SHQ1: variants seen among roughly 807,000 people sequenced by gnomAD.
SHQ1 encodes protein SHQ1 homolog.
Under a neutral mutation model 53.8 loss-of-function variants are expected in SHQ1, and 49 were observed. The observed-to-expected ratio is 0.91, with a 90% confidence interval of 0.72 to 1.16. The LOEUF is 1.16. SHQ1 is among the 50% of genes most tolerant of loss of function. The pLI is 0.00. For missense variants in SHQ1, 738 were observed against 683.1 expected, an observed-to-expected ratio of 1.08 and a Z score of -0.90; for synonymous variants, 243 against 251.0, an observed-to-expected ratio of 0.97 and a Z score of 0.30.
intron 4 of SHQ1, among the ~76,000 whole-genome samples, chr3:72,834,647 C>G (rs1011348384): frequency 3.3e-5 from 5 of 152,236 alleles, no homozygotes; most frequent in African/African-American, 1.2e-4. Flanking sequence ...AATTTACATT[C>G]CAAAAGTTCC....
the SHQ1 span, among the ~76,000 whole-genome samples, chr3:72,742,703 G>A: frequency 3.5e-5 from 5 of 141,818 alleles, no homozygotes; most frequent in South Asian, 2.2e-4. Context: ...TGCAACCTCT[G>A]CCTCCCAACT....
chr3:72,777,541 T>C (rs1559666950), intron 10 of SHQ1, among the ~76,000 whole-genome samples: 1 of 152,228 alleles, frequency 6.6e-6, no homozygotes, highest in Non-Finnish European at 1.5e-5. Context: ...ATCTGAACCA[T>C]GTAAGTGTTG....
At chr3:72,727,145 G>C in the SHQ1 span, among the ~76,000 whole-genome samples, 1 of 152,306 alleles carries the variant, frequency 6.6e-6, no homozygotes, top group Non-Finnish European at 1.5e-5. Flanking sequence ...AAGGGCCATG[G>C]AGGCGGGGCT....
At chr3:72,789,597 AT>A (rs1224533222) in intron 10 of SHQ1, among the ~76,000 whole-genome samples, 8 of 152,326 alleles carry the variant, frequency 5.3e-5, no homozygotes, top group African/African-American at 1.9e-4. Context: ...AAAGTGCTAC[AT>A]TTAAAACAAA....
At chr3:72,745,614 G>A (rs1053407554), downstream of SHQ1, among the ~76,000 whole-genome samples, 2 of 152,140 alleles carry the variant, frequency 1.3e-5, no homozygotes, top group African/African-American at 4.8e-5. Context: ...TTTTCACAGT[G>A]CCGGCTCCCC....
chr3:72,830,393 A>G (rs1360315654), intron 5 of SHQ1, among the ~76,000 whole-genome samples: 1 of 152,092 alleles, frequency 6.6e-6, no homozygotes, highest in Non-Finnish European at 1.5e-5. Context: ...TTATGCTAAT[A>G]TTATATACAT....
At position 72,750,149 on chromosome 3, in the gene SHQ1, C is replaced by A. The variant is rs1252803084; in HGVS notation, c.*135G>T. The A allele has an allele frequency of 2.6e-6, 2 of 765,460 alleles. No individual in the cohort carries two copies. Among genetic ancestry groups the A allele is most frequent in the Non-Finnish European group, 4.2e-6 (2 of 478,694 alleles). The allele number at this position is 765,460 out of a possible 1,614,324, so 47.4% of individuals were successfully genotyped here. ...TTTGATCTGCAGTTGGTTGAATCCA[C>A]AGATGTGGAACACACAAATACAGTG... On this transcript the variant is annotated 3_prime_UTR_variant, in exon 11 of 11. Transcript: ENST00000325599.
At chr3:72,742,315 T>C in the SHQ1 span, among the ~76,000 whole-genome samples, 4 of 152,106 alleles carry the variant, frequency 2.6e-5, no homozygotes, top group Non-Finnish European at 5.9e-5. Flanking sequence ...CATCCATGCT[T>C]AGCAAATTTA....
At chr3:72,814,379 T>C (rs540654915) in intron 8 of SHQ1, 1 of 152,348 alleles carries the variant, frequency 6.6e-6, no homozygotes, top group African/African-American at 2.4e-5. Flanking sequence ...ACAAACTCCG[T>C]AGAGATCTTG....
chr3:72,735,899 C>T, the SHQ1 span, among the ~76,000 whole-genome samples: 1 of 151,622 alleles, frequency 6.6e-6, no homozygotes, highest in Non-Finnish European at 1.5e-5. Flanking sequence ...ATCTCTCTCT[C>T]TCTCTCTCTT....
chr3:72,783,245 C>A (rs768182484), intron 10 of SHQ1, among the ~76,000 whole-genome samples: 15 of 152,150 alleles, frequency 9.9e-5, no homozygotes, highest in Non-Finnish European at 1.9e-4. Flanking sequence ...GTATTTTCCA[C>A]GCTTATTCAC....
In SHQ1 at chr3:72,751,539, T is replaced by TATATATATATAC. The variant is rs1456991894; in HGVS notation, c.1182-704_1182-703insGTATATATATAT. On this transcript the variant is annotated intron_variant, in intron 10 of 10. Coordinates refer to ENST00000325599, the MANE Select transcript of SHQ1 (RefSeq NM_018130.3). ...ATATATATATATATATACATATACA[T>TATATATATATAC]ACACTAATAAAGCCTAACTCTCCTA... 2.3e-3 allele frequency among the ~76,000 whole-genome samples: 275 copies of TATATATATATAC among 120,136 alleles called. 11 individuals are homozygous for TATATATATATAC. Among genetic ancestry groups the TATATATATATAC allele is most frequent in the African/African-American group, 9.5e-3 (258 of 27,240 alleles). 78.8% of individuals were successfully genotyped at this position (120,136 alleles called of 152,430 possible).
At chr3:72,847,453 C>T (rs2055483) in intron 1 of SHQ1, among the ~76,000 whole-genome samples, 73,965 of 151,536 alleles carry the variant, frequency 0.49, 19,767 homozygotes, top group African/African-American at 0.69. Context: ...TAAGGATCAC[C>T]GTCAAAGTTA....
chr3:72,825,498 C>A (rs919867461), intron 5 of SHQ1, among the ~76,000 whole-genome samples: 2 of 151,826 alleles, frequency 1.3e-5, no homozygotes, highest in Admixed American at 6.6e-5. Flanking sequence ...AAGATAAAAG[C>A]AACATTTGTA....
At chr3:72,730,061 G>C in the SHQ1 span, among the ~76,000 whole-genome samples, 1 of 151,836 alleles carries the variant, frequency 6.6e-6, no homozygotes, top group Admixed American at 6.6e-5. Context: ...CTCGTGATCC[G>C]CCTGCCTCGG....
At chr3:72,805,358 C>T (rs1706907920) in intron 9 of SHQ1, among the ~76,000 whole-genome samples, 1 of 152,160 alleles carries the variant, frequency 6.6e-6, no homozygotes, top group African/African-American at 2.4e-5. Context: ...TATTAATATA[C>T]AATAGGACTT....
chr3:72,789,802 C>G (rs1405705058), intron 10 of SHQ1, among the ~76,000 whole-genome samples: 1 of 152,140 alleles, frequency 6.6e-6, no homozygotes, highest in Non-Finnish European at 1.5e-5. Flanking sequence ...GATCTCTCAA[C>G]CAAGTGCTAT....
chr3:72,777,798 T>G (rs919736794), intron 10 of SHQ1, among the ~76,000 whole-genome samples: 3 of 152,176 alleles, frequency 2.0e-5, no homozygotes, highest in African/African-American at 7.2e-5. Context: ...CTGGAAACCA[T>G]TTATTAGTGG....
chr3:72,789,093 A>AG (rs1706351315), intron 10 of SHQ1, among the ~76,000 whole-genome samples: 1 of 152,072 alleles, frequency 6.6e-6, no homozygotes. Flanking sequence ...AAAAAAAAAA[A>AG]AAAAAGAAAA....
Sources: gnomAD v4.1 joint callset for allele counts (sites outside exome capture counted in the v4.1 genomes callset) on GRCh38, gnomAD v4.1.1 for gene constraint, MANE v1.5 for transcripts, NCBI Gene and HGNC (gene_info 2026-07-23, HGNC 2026-07-21) for gene names.